Variants in SPON1 observed in about 807,000 individuals in gnomAD.
SPON1 encodes the protein spondin-1.
SPON1 carries 52 observed loss-of-function variants against 111.7 expected under a neutral mutation model. The observed-to-expected ratio is 0.47, with a 90% CI of 0.37 to 0.59. The LOEUF (loss-of-function observed/expected upper bound fraction) is 0.59, where lower values mean the gene tolerates loss of function less well. SPON1 is among the 20% of genes least tolerant of loss of function. The pLI is 0.00. For synonymous variants in SPON1, 410 were observed against 395.8 expected, an observed-to-expected ratio of 1.04 and a Z score of -0.43; for missense variants, 957 against 1,068.5, an observed-to-expected ratio of 0.90 and a Z score of 1.46.
At chr11:14,151,081 C>G (rs948757408) in intron 6 of SPON1, among the ~76,000 whole-genome samples, 1 of 152,214 alleles carries the variant, frequency 6.6e-6, no homozygotes, top group Non-Finnish European at 1.5e-5. Context: ...GCCACCGTTG[C>G]ATCTGGTCTG....
chr11:14,078,968 C>T (rs782378500), intron 4 of SPON1, among the ~76,000 whole-genome samples: 1 of 151,994 alleles, frequency 6.6e-6, no homozygotes, highest in Non-Finnish European at 1.5e-5. Flanking sequence ...CATTCTTTGC[C>T]ACTACTCTTT....
intron 15 of SPON1, among the ~76,000 whole-genome samples, chr11:14,264,955 C>G (rs1057264379): frequency 2.0e-5 from 3 of 152,152 alleles, no homozygotes; most frequent in Non-Finnish European, 2.9e-5. Flanking sequence ...TATATGGCTG[C>G]TGCATAAGCC....
At chr11:14,116,949 G>A (rs1416438309) in intron 5 of SPON1, among the ~76,000 whole-genome samples, 1 of 151,842 alleles carries the variant, frequency 6.6e-6, no homozygotes, top group African/African-American at 2.4e-5. Context: ...TTTATTCCTG[G>A]GTATTATATG....
chr11:14,137,564 C>T (rs782304449), intron 6 of SPON1, among the ~76,000 whole-genome samples: 1 of 152,058 alleles, frequency 6.6e-6, no homozygotes, highest in Non-Finnish European at 1.5e-5. Flanking sequence ...ATAAGGAAAC[C>T]AAGGCATGGT....
chr11:14,209,107 G>A (rs748823780), intron 6 of SPON1, among the ~76,000 whole-genome samples: 17 of 151,854 alleles, frequency 1.1e-4, no homozygotes, highest in Non-Finnish European at 1.9e-4. Context: ...GTTTTCTTAT[G>A]GAGAGAGAGA....
chr11:14,003,038 T>A (rs1848331829), intron 2 of SPON1, among the ~76,000 whole-genome samples: 1 of 152,068 alleles, frequency 6.6e-6, no homozygotes, highest in African/African-American at 2.4e-5. Context: ...GGCTCTTGAG[T>A]CTTGACAGTT....
chr11:13,967,579 G>A (rs1554908155), intron 1 of SPON1, among the ~76,000 whole-genome samples: 1 of 150,090 alleles, frequency 6.7e-6, no homozygotes, highest in East Asian at 1.9e-4. Context: ...CTGTTGTTTT[G>A]TTTTTACATA....
rs549400110 is a variant in SPON1, at chr11:14,102,534, C to A, written c.676+22513C>A. Among the ~76,000 whole-genome samples, 178 of 152,252 alleles carry A rather than the reference C, an allele frequency of 1.2e-3. No homozygotes were observed. In the Middle Eastern group the frequency reaches 0.02, roughly 17 times the overall value. ...AGTAGCTACATGTAGCTGGTGGCAA[C>A]CATATCACACAGCACAGTTTTGTAG... On this transcript the variant is annotated intron_variant, in intron 5 of 15. Transcript: ENST00000576479.
chr11:14,177,325 C>G (rs1848188737), intron 6 of SPON1, among the ~76,000 whole-genome samples: 1 of 152,110 alleles, frequency 6.6e-6, no homozygotes, highest in Admixed American at 6.6e-5. Context: ...CGGTCATGAA[C>G]CACTGCAACC....
intron 2 of SPON1, among the ~76,000 whole-genome samples, chr11:14,031,480 C>T (rs1554916052): frequency 6.6e-6 from 1 of 152,092 alleles, no homozygotes; most frequent in African/African-American, 2.4e-5. Context: ...TGCAGCCATT[C>T]AAATTATGTT....
chr11:14,071,647 C>T (rs1554920914), intron 3 of SPON1, among the ~76,000 whole-genome samples: 1 of 152,114 alleles, frequency 6.6e-6, no homozygotes, highest in Non-Finnish European at 1.5e-5. Context: ...TGGAATCTAG[C>T]ACAGGAGACT....
rs1380865754 is a variant in SPON1, at chr11:14,130,108, T to C, written c.677-5312T>C. ...CCTCACTATAACCTTATCCTCATGT[T>C]ACATATGAAGAAACTGAGGCCCAGA... is the stretch of plus-strand genomic sequence containing the variant. On this transcript the variant is annotated intron_variant, in intron 5 of 15. Transcript: ENST00000576479. Among the ~76,000 whole-genome samples, 4 of 152,166 alleles carry C rather than the reference T, an allele frequency of 2.6e-5. No individual in the cohort carries two copies. In the East Asian group the frequency reaches 7.7e-4, roughly 29 times the overall value.
At chr11:13,986,765 C>T (rs1480787804) in intron 2 of SPON1, among the ~76,000 whole-genome samples, 3 of 152,028 alleles carry the variant, frequency 2.0e-5, no homozygotes, top group African/African-American at 7.3e-5. Context: ...TCCCTATGTC[C>T]ACGTGTTCTC....
At chr11:14,177,355 T>C (rs1417571019) in intron 6 of SPON1, among the ~76,000 whole-genome samples, 1 of 152,062 alleles carries the variant, frequency 6.6e-6, no homozygotes, top group Non-Finnish European at 1.5e-5. Context: ...TTTTTAAGGA[T>C]AGCTTGGTGG....
At chr11:14,089,640 C>T (rs964960821) in intron 5 of SPON1, among the ~76,000 whole-genome samples, 6 of 152,200 alleles carry the variant, frequency 3.9e-5, no homozygotes, top group Non-Finnish European at 8.8e-5. Context: ...GGCAGCCTGT[C>T]CCTTAGCAGA....
intron 5 of SPON1, among the ~76,000 whole-genome samples, chr11:14,114,338 T>G (rs1232687083): frequency 6.6e-6 from 1 of 152,188 alleles, no homozygotes; most frequent in East Asian, 1.9e-4. Context: ...ACAAATAAAG[T>G]TCTGATGCTG....
rs887670240 is a variant in SPON1, at chr11:14,136,686, C to T, written c.825+1118C>T. Among the ~76,000 whole-genome samples the T allele has an allele frequency of 3.9e-5, 6 of 152,186 alleles. No individual in the cohort carries two copies. In the East Asian group the frequency reaches 1.2e-3, roughly 29 times the overall value. On this transcript the variant is annotated intron_variant, in intron 6 of 15. Transcript: ENST00000576479. Reference sequence around the variant, plus strand: ...GTTTGGACTAGAGTCGAAAAATGCCCCAGAATGAGCTTATGTTTCTTATTA... The same window carrying T: ...GTTTGGACTAGAGTCGAAAAATGCCTCAGAATGAGCTTATGTTTCTTATTA...
chr11:14,232,421 C>A (rs1319276832), intron 6 of SPON1, among the ~76,000 whole-genome samples: 1 of 152,172 alleles, frequency 6.6e-6, no homozygotes, highest in Non-Finnish European at 1.5e-5. Context: ...TGAGTCCTCA[C>A]CATCAGCCCC....
chr11:14,112,373 T>C (rs541529231), intron 5 of SPON1, among the ~76,000 whole-genome samples: 4 of 152,260 alleles, frequency 2.6e-5, no homozygotes, highest in Non-Finnish European at 4.4e-5. Flanking sequence ...GACCATTACA[T>C]CTAAAGCTTT....
Sources: allele counts gnomAD v4.1 joint callset (sites outside exome capture counted in the v4.1 genomes callset), GRCh38; gene constraint gnomAD v4.1.1; transcripts MANE v1.5; gene names NCBI Gene and HGNC (gene_info 2026-07-23, HGNC 2026-07-21).